The following HCN1 variants were observed in gnomAD, a reference collection of about 807,000 sequenced individuals.
The protein encoded by HCN1 is potassium/sodium hyperpolarization-activated cyclic nucleotide-gated channel 1.
A neutral mutation model predicts 78.9 loss-of-function variants in HCN1; 13 were observed. The observed-to-expected ratio is 0.16, with a 90% CI of 0.11 to 0.26. The LOEUF (loss-of-function observed/expected upper bound fraction) is 0.26, where lower values mean the gene tolerates loss of function less well. HCN1 is among the 10% of genes least tolerant of loss of function. HCN1 has a pLI of 1.00. For missense variants in HCN1, 810 were observed against 1,154.3 expected, an observed-to-expected ratio of 0.70 and a Z score of 4.32; for synonymous variants, 552 against 455.5, an observed-to-expected ratio of 1.21 and a Z score of -2.70.
At chr5:45,634,803 A>C (rs1745330752) in intron 2 of HCN1, among the ~76,000 whole-genome samples, 1 of 152,072 alleles carries the variant, frequency 6.6e-6, no homozygotes, top group Admixed American at 6.6e-5. Context: ...CAGATTGTTA[A>C]AAGCTATGAA....
At chr5:45,656,275 G>A (rs1489430672) in intron 1 of HCN1, among the ~76,000 whole-genome samples, 1 of 152,148 alleles carries the variant, frequency 6.6e-6, no homozygotes, top group African/African-American at 2.4e-5. Context: ...ACAAATATGT[G>A]CTGCTTCCTG....
At chr5:45,397,756 A>G (rs1456902319) in intron 3 of HCN1, among the ~76,000 whole-genome samples, 1 of 151,666 alleles carries the variant, frequency 6.6e-6, no homozygotes, top group Non-Finnish European at 1.5e-5. Flanking sequence ...TTAAAAATCA[A>G]TATTTTAATG....
At chr5:45,351,942 G>T (rs190000599) in intron 5 of HCN1, among the ~76,000 whole-genome samples, 5 of 152,246 alleles carry the variant, frequency 3.3e-5, no homozygotes, top group South Asian at 2.1e-4. Context: ...CTGTAAACTA[G>T]TTCAAACATT....
Position 45,351,966 on chromosome 5 carries a change from T to C in HCN1, c.1377+1134A>G, listed in dbSNP as rs1746913741. Among the ~76,000 whole-genome samples, 4 of 152,188 alleles carry C rather than the reference T, an allele frequency of 2.6e-5. No individual in the cohort carries two copies. The South Asian group carries it at 6.2e-4, about 24-fold the overall frequency. ...AGTTCAAACATTGTGAAAGTCAGTG[T>C]GGCGATTCCTCAGGGATCTAGAACT... On this transcript the variant is annotated intron_variant, in intron 5 of 7. Transcript: ENST00000303230.
chr5:45,433,817 A>C (rs1466375250), intron 3 of HCN1, among the ~76,000 whole-genome samples: 1 of 152,234 alleles, frequency 6.6e-6, no homozygotes, highest in African/African-American at 2.4e-5. Flanking sequence ...TTTCCTTTCT[A>C]CATTGTGCCA....
At chr5:45,517,291 C>T (rs1051884424) in intron 2 of HCN1, among the ~76,000 whole-genome samples, 1 of 151,874 alleles carries the variant, frequency 6.6e-6, no homozygotes, top group East Asian at 1.9e-4. Flanking sequence ...ATACTACTCC[C>T]TTATTTTTAC....
chr5:45,530,836 A>T (rs1288457412), intron 2 of HCN1, among the ~76,000 whole-genome samples: 1 of 152,168 alleles, frequency 6.6e-6, no homozygotes, highest in African/African-American at 2.4e-5. Context: ...TAGAATGGAC[A>T]AATTTCCATA....
chr5:45,464,013 A>G (rs1352664950), intron 2 of HCN1, among the ~76,000 whole-genome samples: 1 of 152,096 alleles, frequency 6.6e-6, no homozygotes, highest in Non-Finnish European at 1.5e-5. Context: ...TTCAATTATC[A>G]GGCTTTAGAG....
chr5:45,490,297 G>C (rs1412868737), intron 2 of HCN1, among the ~76,000 whole-genome samples: 1 of 152,166 alleles, frequency 6.6e-6, no homozygotes, highest in Non-Finnish European at 1.5e-5. Flanking sequence ...GAAAGAAACA[G>C]ATACCAAAGG....
At chr5:45,426,605 T>C (rs1740352714) in intron 3 of HCN1, among the ~76,000 whole-genome samples, 2 of 152,172 alleles carry the variant, frequency 1.3e-5, no homozygotes, top group South Asian at 4.1e-4. Context: ...CTGCCATGAT[T>C]GTGAGGCCTC....
intron 4 of HCN1, among the ~76,000 whole-genome samples, chr5:45,374,290 TTA>T (rs1554021340): frequency 1.8e-4 from 23 of 128,782 alleles, no homozygotes; most frequent in South Asian, 4.5e-4. Context: ...ATTATATACA[TTA>T]TATATATTGT....
At chr5:45,581,822 G>C (rs1744083397) in intron 2 of HCN1, among the ~76,000 whole-genome samples, 2 of 152,198 alleles carry the variant, frequency 1.3e-5, no homozygotes, top group South Asian at 4.1e-4. Context: ...TCAAAGATCA[G>C]ATAGTTGTAG....
rs1740004993 is a variant in HCN1 at position 45,695,990 on chromosome 5, G to GCCGCGGCCGGCC, written c.92_103dup (p.Gly31_Ala34dup). The GCCGCGGCCGGCC allele has an allele frequency of 7.7e-7, 1 of 1,294,238 alleles. No homozygotes were observed. The highest frequency in any genetic ancestry group is 9.8e-7 in the Non-Finnish European group (1 of 1,019,812). The allele number at this position is 1,294,238 out of a possible 1,614,324, so 80.2% of individuals were successfully genotyped here. On this transcript the variant is annotated inframe_insertion, in exon 1 of 8. Transcript: ENST00000303230. ...CGGCGGGGTGCCCAGGCGCTTCTCG[G>GCCGCGGCCGGCC]CCGCGGCCGGCCCCGCGCCCGTCGC...
At chr5:45,601,232 T>C (rs962489174) in intron 2 of HCN1, among the ~76,000 whole-genome samples, 3 of 152,138 alleles carry the variant, frequency 2.0e-5, no homozygotes, top group Admixed American at 6.6e-5. Context: ...TAGGTGTTTC[T>C]TTTATGGTTT....
At chr5:45,554,409 T>C (rs1743430723) in intron 2 of HCN1, among the ~76,000 whole-genome samples, 1 of 151,772 alleles carries the variant, frequency 6.6e-6, no homozygotes, top group African/African-American at 2.4e-5. Context: ...TGTATTACCA[T>C]CTTGCCCACA....
intron 3 of HCN1, among the ~76,000 whole-genome samples, chr5:45,410,476 T>G (rs1303884013): frequency 6.6e-6 from 1 of 152,086 alleles, no homozygotes; most frequent in Non-Finnish European, 1.5e-5. Context: ...GCTAAAGTTA[T>G]TTTAATGAAC....
At chr5:45,300,353 C>T (rs982101539) in intron 6 of HCN1, among the ~76,000 whole-genome samples, 63 of 151,920 alleles carry the variant, frequency 4.1e-4, no homozygotes, top group Admixed American at 2.0e-3. Flanking sequence ...TCTGCCTCTG[C>T]CACCCAAGAT....
intron 5 of HCN1, among the ~76,000 whole-genome samples, chr5:45,308,197 A>C (rs935989583): frequency 3.9e-5 from 6 of 151,918 alleles, no homozygotes; most frequent in Non-Finnish European, 8.8e-5. Flanking sequence ...TTCCCCTTCC[A>C]CCATGATTGA....
intron 5 of HCN1, among the ~76,000 whole-genome samples, chr5:45,310,784 C>G (rs1745835447): frequency 6.6e-6 from 1 of 152,060 alleles, no homozygotes; most frequent in Non-Finnish European, 1.5e-5. Context: ...CAATGAATGA[C>G]TGGATAAAGA....
Sources: allele counts gnomAD v4.1 joint callset (sites outside exome capture counted in the v4.1 genomes callset), GRCh38; gene constraint gnomAD v4.1.1; transcripts MANE v1.5; gene names NCBI Gene and HGNC (gene_info 2026-07-23, HGNC 2026-07-21).